DAB2IP: variants seen among roughly 807,000 people sequenced by gnomAD.
DAB2IP encodes disabled homolog 2-interacting protein.
In DAB2IP, 28 loss-of-function variants were observed where a neutral mutation model predicts 107.2. The observed-to-expected ratio is 0.26, with a 90% CI of 0.19 to 0.36. The LOEUF (loss-of-function observed/expected upper bound fraction) is 0.36, where lower values mean the gene tolerates loss of function less well. DAB2IP is among the 10% of genes least tolerant of loss of function. The pLI is 1.00. For synonymous variants in DAB2IP, 755 were observed against 706.4 expected (o/e 1.07, Z -1.09); for missense variants, 1,400 against 1,644.7 (o/e 0.85, Z 2.57).
At chr9:121,606,115 G>A (rs1285020906) in intron 1 of DAB2IP, among the ~76,000 whole-genome samples, 1 of 152,212 alleles carries the variant, frequency 6.6e-6, no homozygotes, top group Non-Finnish European at 1.5e-5. Context: ...AGCCAAGGCG[G>A]GGGATCACCT....
chr9:121,593,938 G>A (rs1271362902), intron 1 of DAB2IP, among the ~76,000 whole-genome samples: 1 of 151,944 alleles, frequency 6.6e-6, no homozygotes, highest in South Asian at 2.1e-4. Flanking sequence ...AAAGTGCTGG[G>A]TTTACAGACG....
chr9:121,582,084 G>A (rs888417825), intron 1 of DAB2IP, among the ~76,000 whole-genome samples: 4 of 152,220 alleles, frequency 2.6e-5, no homozygotes, highest in Non-Finnish European at 5.9e-5. Flanking sequence ...GGGCCAAGAG[G>A]GGCTGCAGGG....
intron 14 of DAB2IP, among the ~76,000 whole-genome samples, chr9:121,778,086 C>G (rs1285788217): frequency 1.3e-5 from 2 of 152,216 alleles, no homozygotes. Context: ...GCCCTCAGTT[C>G]TGAAGTCTAA....
At chr9:121,673,286 G>A (rs750012688) in intron 1 of DAB2IP, among the ~76,000 whole-genome samples, 11 of 152,198 alleles carry the variant, frequency 7.2e-5, no homozygotes, top group Non-Finnish European at 1.6e-4. Flanking sequence ...GGGTTTGGGG[G>A]CAGTTTAAGG....
chr9:121,639,940 G>C (rs1832220318), intron 1 of DAB2IP, among the ~76,000 whole-genome samples: 1 of 152,134 alleles, frequency 6.6e-6, no homozygotes, highest in South Asian at 2.1e-4. Flanking sequence ...CTGCCCGGTG[G>C]GCCCAAGTGT....
chr9:121,756,290 G>C (rs143163432), intron 3 of DAB2IP, among the ~76,000 whole-genome samples: 66 of 152,332 alleles, frequency 4.3e-4, no homozygotes, highest in Admixed American at 1.0e-3. Flanking sequence ...GCGGGCCCAG[G>C]TCTGGTCTGC....
chr9:121,600,865 G>A (rs1021044444), intron 1 of DAB2IP, among the ~76,000 whole-genome samples: 8 of 152,152 alleles, frequency 5.3e-5, no homozygotes, highest in African/African-American at 1.9e-4. Flanking sequence ...AGGCGTAGAA[G>A]GCGCCTGGCT....
chr9:121,582,550 G>A (rs1388473327), intron 1 of DAB2IP, among the ~76,000 whole-genome samples: 1 of 151,930 alleles, frequency 6.6e-6, no homozygotes, highest in Non-Finnish European at 1.5e-5. Context: ...GCGCCCCCGT[G>A]ACTCTCAGGA....
exon 7 of DAB2IP, chr9:121,763,572 G>A (rs1490540211): frequency 6.2e-7 from 1 of 1,613,890 alleles, no homozygotes; most frequent in Non-Finnish European, 8.5e-7. Flanking sequence ...CTCATCTTCC[G>A]GGAGAACACA....
chr9:121,752,615 G>A (rs1833201207), intron 3 of DAB2IP, among the ~76,000 whole-genome samples: 1 of 152,232 alleles, frequency 6.6e-6, no homozygotes, highest in Admixed American at 6.5e-5. Flanking sequence ...GGCCCTGCCT[G>A]AGACTCCTGC....
At chr9:121,680,103 A>G (rs1167139348) in intron 2 of DAB2IP, among the ~76,000 whole-genome samples, 1 of 152,066 alleles carries the variant, frequency 6.6e-6, no homozygotes, top group African/African-American at 2.4e-5. Context: ...TCAGGGGCTG[A>G]TGTGTTTGTG....
At position 121,782,217 on chromosome 9, in the gene DAB2IP, G is replaced by C. The variant is rs1018123293; in HGVS notation, c.3403-114G>C. On this transcript the variant is annotated intron_variant, in intron 15 of 15. Coordinates refer to ENST00000408936, the Ensembl canonical transcript of DAB2IP. The surrounding 1 kb of genome is among the most constrained non-coding windows in gnomAD (Gnocchi z 6.1). ...TCTTGCCAGCTGCTCACAGCCCGGAGCCTGCCTGCCACCCTCATCTCCAGG... is the reference window on the plus strand; with the variant it reads ...TCTTGCCAGCTGCTCACAGCCCGGACCCTGCCTGCCACCCTCATCTCCAGG... 9.4e-5 allele frequency: 140 copies of C among 1,497,254 alleles called. No homozygotes were observed. Among genetic ancestry groups the C allele is most frequent in the Non-Finnish European group, 1.2e-4 (129 of 1,118,594 alleles). The allele number at this position is 1,497,254 out of a possible 1,614,324, so 92.7% of individuals were successfully genotyped here. A position where few individuals can be genotyped will look rare whatever the true frequency, so the allele number is the denominator to read the frequency against.
chr9:121,578,782 C>CCAGG (rs2118900476), intron 1 of DAB2IP, among the ~76,000 whole-genome samples: 1 of 114,724 alleles, frequency 8.7e-6, no homozygotes, highest in South Asian at 3.1e-4. Context: ...GCTCTGTCAC[C>CCAGG]CAGGCTGGAG....
intron 1 of DAB2IP, among the ~76,000 whole-genome samples, chr9:121,567,914 G>T (rs1441015373): frequency 6.6e-6 from 1 of 152,162 alleles, no homozygotes; most frequent in Non-Finnish European, 1.5e-5. Context: ...CTCACATTTG[G>T]CTGGGATGCC....
rs1272720045 is a variant in DAB2IP at position 121,627,872 on chromosome 9, T to C, written c.41-50806T>C. Among the ~76,000 whole-genome samples, 8 of 152,248 alleles carry C rather than the reference T, an allele frequency of 5.3e-5. 1 individual carries two copies. In the East Asian group the frequency reaches 1.5e-3, roughly 29 times the overall value. On this transcript the variant is annotated intron_variant, in intron 1 of 16. Transcript: ENST00000259371. ...TGGACACATTTTTCTAGTTCAGCTG[T>C]AGAATTCCACCTCACTGTTTCTATC... is the stretch of plus-strand genomic sequence containing the variant.
At chr9:121,655,902 C>T (rs867873887) in intron 1 of DAB2IP, among the ~76,000 whole-genome samples, 4 of 152,136 alleles carry the variant, frequency 2.6e-5, no homozygotes, top group East Asian at 1.9e-4. Flanking sequence ...GTATCTTGCC[C>T]GCGTGGTGGG....
chr9:121,666,643 T>C (rs561430072), intron 1 of DAB2IP, among the ~76,000 whole-genome samples: 333 of 152,132 alleles, frequency 2.2e-3, no homozygotes, highest in African/African-American at 7.5e-3. Flanking sequence ...AAATACCTAA[T>C]GCATGTGGGG....
rs758422484 is a variant in DAB2IP at position 121,763,888 on chromosome 9, G to C, written c.1460+9G>C. 3.1e-6 allele frequency: 5 copies of C among 1,612,880 alleles called. No homozygotes were observed. In the East Asian group the frequency reaches 1.1e-4, roughly 36 times the overall value. On this transcript the variant is annotated intron_variant, in intron 8 of 15. Transcript: ENST00000408936. ...ATCATCAACTCCTACTGGTCAGTGC[G>C]GTGCCCAGGTCTCCCCACCCTGTCG...
intron 14 of DAB2IP, 36 bp from the exon 15 acceptor site, chr9:121,781,428 C>T: frequency 6.2e-7 from 1 of 1,608,720 alleles, no homozygotes; most frequent in South Asian, 1.1e-5. Context: ...CTGCTGCCTC[C>T]AGGGCCAGTC....
Sources: allele counts gnomAD v4.1 joint callset (sites outside exome capture counted in the v4.1 genomes callset), GRCh38; gene constraint gnomAD v4.1.1; non-coding constraint Gnocchi (gnomAD v3.1); transcripts MANE v1.5; gene names NCBI Gene and HGNC (gene_info 2026-07-23, HGNC 2026-07-21).